The following AHNAK2 variants were observed in gnomAD, a reference collection of about 807,000 sequenced individuals.
AHNAK2 encodes AHNAK nucleoprotein 2, also known as protein AHNAK2.
Under a neutral mutation model 30.7 loss-of-function variants are expected in AHNAK2, and 18 were observed. The ratio of observed to expected loss-of-function variants is 0.59; its 90% CI spans 0.41 to 0.87. The LOEUF (loss-of-function observed/expected upper bound fraction) is 0.87. Ranked by LOEUF, AHNAK2 falls within the 40% of genes least tolerant of loss-of-function variation. The pLI is 0.00. For synonymous variants in AHNAK2, 3,590 were observed against 3,073.8 expected (o/e 1.17, Z -5.56); for missense variants, 8,604 against 7,373.0 (o/e 1.17, Z -6.11).
chr14:104,942,522 A>G lies in AHNAK2; in HGVS notation c.12929T>C (p.Val4310Ala), dbSNP rs763391201. 92 of 1,612,514 alleles carry G rather than the reference A, an allele frequency of 5.7e-5. No homozygotes were observed. Among genetic ancestry groups the G allele is most frequent in the African/African-American group, 5.6e-4 (42 of 74,580 alleles). ...CTCGATGGACTTGCCTGGGGCAGAC[A>G]CCCCGAACGACGGCATCTTGAACTT... is the stretch of plus-strand genomic sequence containing the variant. ...MPKFKMPSFG[V>A]SAPGKSIEAS... Residue 4310 changes from valine (V) to alanine (A), a missense_variant, in exon 7 of 7, where the codon GTG becomes GCG. Physicochemically the swap from Val to Ala is moderately conservative, Grantham distance 64. Coordinates refer to ENST00000333244, the MANE Select transcript of AHNAK2 (RefSeq NM_138420.4).
At chr14:104,977,731 C>T (rs911659120) in intron 1 of AHNAK2, among the ~76,000 whole-genome samples, 1 of 152,194 alleles carries the variant, frequency 6.6e-6, no homozygotes, top group Non-Finnish European at 1.5e-5. Flanking sequence ...GCAGGTGCCC[C>T]GGGTCCCGGC....
chr14:104,947,565 C>T lies in AHNAK2; in HGVS notation c.7886G>A (p.Arg2629Gln), dbSNP rs572087329. Reference sequence around the variant, plus strand: ...GGCCAGGGACAGGTCCCCCTCCAGCCGCGCACCATCCAGCTTTGCTCTCGG... The same window carrying T: ...GGCCAGGGACAGGTCCCCCTCCAGCTGCGCACCATCCAGCTTTGCTCTCGG... ...QAPRAKLDGA[R>Q]LEGDLSLADK... The change falls in exon 7 of 7, where the codon CGG (arginine) becomes CAG (glutamine). Residue 2629 changes from arginine to glutamine, a missense_variant. Transcript: ENST00000333244. 1.2e-4 allele frequency: 194 copies of T among 1,612,890 alleles called. 2 individuals are homozygous for T. Among genetic ancestry groups the T allele is most frequent in the African/African-American group, 5.4e-4 (40 of 74,546 alleles).
Position 104,949,813 on chromosome 14 carries a change from G to C in AHNAK2, c.5638C>G (p.Leu1880Val), listed in dbSNP as rs550534577. The change falls in exon 7 of 7, where the codon CTG becomes GTG. Residue 1880 changes from leucine to valine, a missense_variant. Physicochemically the swap from Leu to Val is conservative, Grantham distance 32. Coordinates refer to ENST00000333244, the MANE Select transcript of AHNAK2 (RefSeq NM_138420.4). ...TCCACTTGGCCAGCCTGGACCACCA[G>C]GTCTGCAGAAGGGAGCGGAATGCAG... ...DLCIPLPSAD[L>V]VVQAGQVDMK... The C allele has an allele frequency of 3.8e-6, 6 of 1,587,292 alleles. 2 individuals carry two copies. In the African/African-American group the frequency reaches 5.5e-5, roughly 15 times the overall value.
intron 1 of AHNAK2, among the ~76,000 whole-genome samples, chr14:104,975,341 G>T (rs1899566315): frequency 6.6e-6 from 1 of 152,196 alleles, no homozygotes; most frequent in Non-Finnish European, 1.5e-5. Context: ...GAGGCCAGCA[G>T]GCAGCCCAGC....
In AHNAK2 at chr14:104,951,968, G is replaced by C; in HGVS notation, c.3483C>G (p.Ser1161Arg). The C allele has an allele frequency of 6.2e-7, 1 of 1,612,220 alleles. No homozygotes were observed. Among genetic ancestry groups the C allele is most frequent in the Non-Finnish European group, 8.5e-7 (1 of 1,179,432 alleles). Residue 1161 changes from serine (S) to arginine (R), a missense_variant, in exon 7 of 7, where the codon AGC (serine) becomes AGG (arginine). By Grantham distance (110) the Ser-to-Arg change is moderately radical. Transcript: ENST00000333244. ...LADKDVTAKD[S>R]RFKMPKFKMP... ...TCTTGAACTTGGGCATTTTGAACCT[G>C]CTGTCTTTGGCAGTCACATCCTTGT...
Position 104,946,286 on chromosome 14 carries a change from A to T in AHNAK2, c.9165T>A (p.Ala3055=). The T allele has an allele frequency of 6.2e-7, 1 of 1,610,122 alleles. No individual in the cohort carries two copies. Among genetic ancestry groups the T allele is most frequent in the Admixed American group, 1.7e-5 (1 of 59,704 alleles). ...KLPEGHVPEG[A]GLKGHLPKLQ... ...ACTTGGGCAGGTGCCCTTTGAGGCC[A>T]GCTCCCTCGGGAACGTGGCCCTCTG... is the stretch of plus-strand genomic sequence containing the variant. Residue 3055 remains alanine, a synonymous_variant, in exon 7 of 7, where the codon GCT becomes GCA. Coordinates refer to ENST00000333244, the MANE Select transcript of AHNAK2 (RefSeq NM_138420.4).
Position 104,950,319 on chromosome 14 carries a change from G to T in AHNAK2, c.5132C>A (p.Pro1711His). The stretch of plus-strand genomic sequence containing the variant: ...AGCCTGGACCTCCAGGTCGGCGGAA[G>T]GGGACTGAATGCTGAGGTCAGTGGT... The part of the protein sequence containing the change: ...LKTTDLSIQS[P>H]SADLEVQAGQ... The change falls in exon 7 of 7, where the codon CCT (proline) becomes CAT (histidine). Residue 1711 changes from proline (P) to histidine (H), a missense_variant. By Grantham distance (77) the Pro-to-His change is moderately conservative (BLOSUM62 -2). Coordinates refer to ENST00000333244, the MANE Select transcript of AHNAK2 (RefSeq NM_138420.4). 5 of 1,584,910 alleles carry T rather than the reference G, an allele frequency of 3.2e-6. No individual in the cohort carries two copies. The South Asian group carries it at 3.3e-5, about 11-fold the overall frequency.
Position 104,944,147 on chromosome 14 carries a change from G to A in AHNAK2, c.11304C>T (p.Ser3768=), listed in dbSNP as rs751086951. 19 of 1,613,240 alleles carry A rather than the reference G, an allele frequency of 1.2e-5. No homozygotes were observed. The highest frequency in any genetic ancestry group is 4.5e-5 in the East Asian group (2 of 44,804). Residue 3768 remains serine (S), a synonymous_variant, in exon 7 of 7, where the codon AGC becomes AGT. Transcript: ENST00000333244. Reference sequence around the variant, plus strand: ...TTGGGGCCTGGACGTCCACCTCCACGCTGGGCAGAGACACCTCCACATCAG... The same window carrying A: ...TTGGGGCCTGGACGTCCACCTCCACACTGGGCAGAGACACCTCCACATCAG... ...TAPDVEVSLP[S]VEVDVQAPRA... is the part of the protein sequence containing the mutation.
At chr14:104,962,865 A>T (rs1387309148) in intron 1 of AHNAK2, among the ~76,000 whole-genome samples, 2 of 152,258 alleles carry the variant, frequency 1.3e-5, no homozygotes, top group African/African-American at 4.8e-5. Flanking sequence ...AATGAATTTG[A>T]AATGAATCAT....
rs1595399717 is a variant in AHNAK2, at chr14:104,945,778, G to A, written c.9673C>T (p.His3225Tyr). 6.3e-7 allele frequency: 1 copy of A among 1,587,484 alleles called. No individual in the cohort carries two copies. Reference sequence around the variant, plus strand: ...CTGGGCATCTGCAACTTGGGCAGGTGCCCTTTGAGGCCAGCTCCCTCGAGA... The same window carrying A: ...CTGGGCATCTGCAACTTGGGCAGGTACCCTTTGAGGCCAGCTCCCTCGAGA... ...HVLEGAGLKG[H>Y]LPKLQMPSFK... Residue 3225 changes from histidine (H) to tyrosine (Y), a missense_variant, in exon 7 of 7, where the codon CAC becomes TAC. His to Tyr is a moderately conservative substitution (Grantham distance 83). Coordinates refer to ENST00000333244, the MANE Select transcript of AHNAK2 (RefSeq NM_138420.4).
In AHNAK2 at chr14:104,944,560, C is replaced by T. The variant is rs777682333; in HGVS notation, c.10891G>A (p.Val3631Met). The T allele has an allele frequency of 1.4e-5, 23 of 1,613,122 alleles. No homozygotes were observed. The highest frequency in any genetic ancestry group is 1.6e-4 in the Middle Eastern group (1 of 6,080). ...TTGAACTTGCTGTCTTTGGCAGTCA[C>T]GTCCTTGTCAGCCAGGGACAGGTCT... ...EGDLSLADKD[V>M]TAKDSKFKMP... The change falls in exon 7 of 7, where the codon GTG (valine) becomes ATG (methionine). Residue 3631 changes from valine (V) to methionine (M), a missense_variant. Physicochemically the swap from Val to Met is conservative, Grantham distance 21 (BLOSUM62 1). Coordinates refer to ENST00000333244, the MANE Select transcript of AHNAK2 (RefSeq NM_138420.4).
rs556676336 is a variant in AHNAK2, at chr14:104,945,014, C to T, written c.10437G>A (p.Lys3479=). The change falls in exon 7 of 7, where the codon AAG becomes AAA. Residue 3479 remains lysine, a synonymous_variant. Transcript: ENST00000333244. ...KDSKFKMPKF[K]MPSFGVSAPG... ...GGGCCGACACCCCGAAGGAGGGCAT[C>T]TTGAACTTGGGCATTTTGAACTTGC... 6.2e-7 allele frequency: 1 copy of T among 1,603,434 alleles called. No individual in the cohort carries two copies. The highest frequency in any genetic ancestry group is 8.5e-7 in the Non-Finnish European group (1 of 1,171,786).
chr14:104,965,401 C>CAAAAAAAAA (rs397853385), intron 1 of AHNAK2, among the ~76,000 whole-genome samples: 37 of 85,394 alleles, frequency 4.3e-4, no homozygotes, highest in Non-Finnish European at 5.8e-4. Context: ...AACTCTGTCT[C>CAAAAAAAAA]AAAAAAAAAA....
Position 104,946,346 on chromosome 14 carries a change from C to T in AHNAK2, c.9105G>A (p.Leu3035=), listed in dbSNP as rs759960229. 2 of 1,612,310 alleles carry T rather than the reference C, an allele frequency of 1.2e-6. No individual in the cohort carries two copies. Among genetic ancestry groups the T allele is most frequent in the Admixed American group, 3.3e-5 (2 of 59,910 alleles). The change falls in exon 7 of 7, where the codon CTG becomes CTA. Residue 3035 remains leucine, a synonymous_variant. Coordinates refer to ENST00000333244, the MANE Select transcript of AHNAK2 (RefSeq NM_138420.4). The part of the protein sequence containing the change: ...DISIEPPSAQ[L]EVQAGQVDLK... ...GGTCCACCTGGCCAGCCTGGACCTCCAGTTGGGCAGAGGGGGGCTCAATGC... is the reference window on the plus strand; with the variant it reads ...GGTCCACCTGGCCAGCCTGGACCTCTAGTTGGGCAGAGGGGGGCTCAATGC...
chr14:104,952,396 C>T lies in AHNAK2; in HGVS notation c.3055G>A (p.Ala1019Thr). 6.2e-7 allele frequency: 1 copy of T among 1,612,768 alleles called. No individual in the cohort carries two copies. Among genetic ancestry groups the T allele is most frequent in the Non-Finnish European group, 8.5e-7 (1 of 1,179,618 alleles). The change falls in exon 7 of 7, where the codon GCC becomes ACC. Residue 1019 changes from alanine to threonine, a missense_variant. Coordinates refer to ENST00000333244, the MANE Select transcript of AHNAK2 (RefSeq NM_138420.4). ...GVSAPGKSIK[A>T]LVDVSAPKVE... Reference sequence around the variant, plus strand: ...TTGGGTGCAGACACATCCACCAAGGCCTTGATGGACTTCCCTGGGGCCGAT... The same window carrying T: ...TTGGGTGCAGACACATCCACCAAGGTCTTGATGGACTTCCCTGGGGCCGAT...
intron 1 of AHNAK2, among the ~76,000 whole-genome samples, chr14:104,961,325 T>C (rs189077452): frequency 0.017 from 2,547 of 151,628 alleles, 34 homozygotes; most frequent in South Asian, 0.043. Context: ...CCATCCTGGC[T>C]AACACAGTGA....
rs60880494 is a variant in AHNAK2, at chr14:104,950,438, C to T, written c.5013G>A (p.Ser1671=). The change falls in exon 7 of 7, where the codon TCG becomes TCA. Residue 1671 remains serine, a synonymous_variant. Coordinates refer to ENST00000333244, the MANE Select transcript of AHNAK2 (RefSeq NM_138420.4). ...PKFKMPSFGV[S]APGKSIEASV... The stretch of plus-strand genomic sequence containing the variant: ...AGGCCTCGATGGACTTGCCTGGGGC[C>T]GACACCCCAAATGATGGCATCTTGA... The T allele has an allele frequency of 1.7e-3, 2,649 of 1,577,482 alleles. 257 individuals carry two copies. The African/African-American group carries it at 0.031, about 19-fold the overall frequency.
At position 104,943,460 on chromosome 14, in the gene AHNAK2, C is replaced by A. The variant is rs781164680; in HGVS notation, c.11991G>T (p.Lys3997Asn). The stretch of plus-strand genomic sequence containing the variant: ...AAGGGAGGCTCACGTCGGCCTCCAC[C>A]TTTGGCGCGGTCACATCCACTGATG... ...MEASVDVTAP[K>N]VEADVSLPSM... The change falls in exon 7 of 7, where the codon AAG becomes AAT. Residue 3997 changes from lysine (K) to asparagine (N), a missense_variant. Physicochemically the swap from Lys to Asn is moderately conservative, Grantham distance 94 (BLOSUM62 0). Coordinates refer to ENST00000333244, the MANE Select transcript of AHNAK2 (RefSeq NM_138420.4). 3.1e-6 allele frequency: 5 copies of A among 1,613,270 alleles called. No individual in the cohort carries two copies. In the South Asian group the frequency reaches 4.4e-5, roughly 14 times the overall value.
In AHNAK2 at chr14:104,950,777, G is replaced by A. The variant is rs372310564; in HGVS notation, c.4674C>T (p.Asp1558=). The change falls in exon 7 of 7, where the codon GAC becomes GAT. Residue 1558 remains aspartate, a synonymous_variant. Transcript: ENST00000333244. ...ADLEVQAGQV[D]VKLPEGPVSE... ...ACACAGGGCCCTCTGGGAGTTTCACGTCCACTTGGCCAGCCTGGACCTCCA... is the reference window on the plus strand; with the variant it reads ...ACACAGGGCCCTCTGGGAGTTTCACATCCACTTGGCCAGCCTGGACCTCCA... 1.1e-3 allele frequency: 1,667 copies of A among 1,586,604 alleles called. 134 individuals carry two copies. In the African/African-American group the frequency reaches 0.016, roughly 16 times the overall value.
Sources: allele counts gnomAD v4.1 joint callset (sites outside exome capture counted in the v4.1 genomes callset), GRCh38; gene constraint gnomAD v4.1.1; transcripts MANE v1.5; gene names NCBI Gene and HGNC (gene_info 2026-07-23, HGNC 2026-07-21).